The following DNAH14 variants were observed in gnomAD, a reference collection of about 807,000 sequenced individuals.
DNAH14 encodes dynein axonemal heavy chain 14, also known as axonemal beta dynein heavy chain 14.
DNAH14 carries 478 observed loss-of-function variants against 520.9 expected under a neutral mutation model. The ratio of observed to expected loss-of-function variants is 0.92; its 90% CI spans 0.85 to 0.99. The LOEUF is 0.99. DNAH14 is among the 50% of genes least tolerant of loss of function. The pLI is 0.00. For synonymous variants in DNAH14, 1,581 were observed against 1,757.2 expected, an observed-to-expected ratio of 0.90 and a Z score of 2.51; for missense variants, 4,831 against 5,234.5, an observed-to-expected ratio of 0.92 and a Z score of 2.38.
At chr1:225,355,301 G>A (rs993774205) in intron 73 of DNAH14, among the ~76,000 whole-genome samples, 2 of 151,850 alleles carry the variant, frequency 1.3e-5, no homozygotes, top group African/African-American at 4.8e-5. Context: ...GGTCTCACTC[G>A]TCTCACTCTG....
At chr1:225,314,091 C>CT (rs2094422050) in intron 60 of DNAH14, among the ~76,000 whole-genome samples, 1 of 152,170 alleles carries the variant, frequency 6.6e-6, no homozygotes, top group Non-Finnish European at 1.5e-5. Context: ...CTGTAGGTCT[C>CT]TAAGAATTTG....
At chr1:225,336,034 C>T (rs1348745049) in intron 66 of DNAH14, among the ~76,000 whole-genome samples, 7 of 84,928 alleles carry the variant, frequency 8.2e-5, no homozygotes, top group South Asian at 8.4e-4. Flanking sequence ...TATGTATATA[C>T]ACACATATAT....
intron 20 of DNAH14, among the ~76,000 whole-genome samples, chr1:225,083,064 T>C (rs2073329209): frequency 6.6e-6 from 1 of 152,150 alleles, no homozygotes; most frequent in Admixed American, 6.5e-5. Context: ...ATCAAAACTA[T>C]TGTATTCATT....
At chr1:225,028,566 A>T (rs916944925) in intron 11 of DNAH14, among the ~76,000 whole-genome samples, 49 of 151,998 alleles carry the variant, frequency 3.2e-4, no homozygotes, top group African/African-American at 1.1e-3. Flanking sequence ...GATCTTTTTA[A>T]AAACCAGCTT....
chr1:225,372,859 C>A (rs1014387653), intron 77 of DNAH14, among the ~76,000 whole-genome samples: 1 of 151,880 alleles, frequency 6.6e-6, no homozygotes, highest in Admixed American at 6.6e-5. Flanking sequence ...AAAAGACCAA[C>A]AAGCCAAAGG....
intron 52 of DNAH14, 148 bp downstream of exon 52, chr1:225,273,273 TACAAA>T: frequency 2.2e-6 from 2 of 897,750 alleles, no homozygotes; most frequent in South Asian, 3.8e-5. Context: ...CTACTAAAAA[TACAAA>T]AAAATTAGCC....
intron 34 of DNAH14, among the ~76,000 whole-genome samples, chr1:225,158,543 C>G (rs2081253449): frequency 6.6e-6 from 1 of 152,162 alleles, no homozygotes; most frequent in South Asian, 2.1e-4. Context: ...CGCTTGTCTA[C>G]CCTTGAGTCA....
intron 1 of DNAH14, among the ~76,000 whole-genome samples, chr1:224,949,619 G>T (rs894181318): frequency 1.3e-5 from 2 of 152,098 alleles, no homozygotes; most frequent in African/African-American, 4.8e-5. Flanking sequence ...AATGAATATT[G>T]TATGGGCAAC....
chr1:225,007,933 T>C (rs1376983593), intron 10 of DNAH14, among the ~76,000 whole-genome samples: 2 of 151,504 alleles, frequency 1.3e-5, no homozygotes, highest in Admixed American at 6.6e-5. Flanking sequence ...TTTTCTTTTT[T>C]TTTTTTTATA....
intron 36 of DNAH14, among the ~76,000 whole-genome samples, chr1:225,174,828 T>C (rs1341786248): frequency 6.6e-6 from 1 of 152,208 alleles, no homozygotes; most frequent in East Asian, 1.9e-4. Flanking sequence ...ATTCACTTTA[T>C]TGTGTTGATG....
At chr1:225,021,317 A>G (rs905933692) in intron 10 of DNAH14, among the ~76,000 whole-genome samples, 1 of 152,178 alleles carries the variant, frequency 6.6e-6, no homozygotes, top group African/African-American at 2.4e-5. Flanking sequence ...TGCAAGAGAG[A>G]GAAGCATAAG....
intron 17 of DNAH14, among the ~76,000 whole-genome samples, chr1:225,064,635 A>T (rs2148444450): frequency 6.6e-6 from 1 of 152,100 alleles, no homozygotes. Flanking sequence ...TATCAAAAAC[A>T]TGTTGAACAA....
chr1:225,125,434 C>T (rs1220343762), intron 27 of DNAH14, among the ~76,000 whole-genome samples: 1 of 152,212 alleles, frequency 6.6e-6, no homozygotes, highest in Non-Finnish European at 1.5e-5. Flanking sequence ...TAACTTACTG[C>T]AGCTTCCACA....
chr1:225,157,292 G>C (rs2081138139), intron 34 of DNAH14, among the ~76,000 whole-genome samples: 1 of 152,086 alleles, frequency 6.6e-6, no homozygotes, highest in South Asian at 2.1e-4. Flanking sequence ...AAGATTTATA[G>C]TCCTTAACAC....
intron 75 of DNAH14, among the ~76,000 whole-genome samples, chr1:225,362,905 T>C (rs2095508793): frequency 6.6e-6 from 1 of 151,986 alleles, no homozygotes; most frequent in African/African-American, 2.4e-5. Flanking sequence ...ATTTTTAAAA[T>C]GAGAGACAGA....
intron 41 of DNAH14, among the ~76,000 whole-genome samples, chr1:225,226,436 G>T (rs1390739169): frequency 6.6e-6 from 1 of 152,170 alleles, no homozygotes; most frequent in Admixed American, 6.5e-5. Flanking sequence ...CCTCAAACCA[G>T]GCAACACTAC....
chr1:225,335,640 T>G lies in DNAH14; in HGVS notation c.10081-1626T>G, dbSNP rs2094970452. Among the ~76,000 whole-genome samples, 2 of 137,786 alleles carry G rather than the reference T, an allele frequency of 1.5e-5. 1 individual carries two copies. Among genetic ancestry groups the G allele is most frequent in the South Asian group, 4.5e-4 (2 of 4,488 alleles). The allele number at this position is 137,786 out of a possible 152,430, so 90.4% of individuals were successfully genotyped here. On this transcript the variant is annotated intron_variant, in intron 66 of 85. Coordinates refer to ENST00000682510, the MANE Select transcript of DNAH14 (RefSeq NM_001367479.1). Reference sequence around the variant, plus strand: ...ATATACGCATATATACATATGTGCATATATGTATATACGCATATATACATA... The same window carrying G: ...ATATACGCATATATACATATGTGCAGATATGTATATACGCATATATACATA...
chr1:225,144,639 T>G lies in DNAH14; in HGVS notation c.4740+11T>G. 1 of 1,539,238 alleles carries G rather than the reference T, an allele frequency of 6.5e-7. No individual in the cohort carries two copies. Among genetic ancestry groups the G allele is most frequent in the Non-Finnish European group, 8.8e-7 (1 of 1,139,538 alleles). ...AAAGATCTAGCAAAAGTAAGTGGTT[T>G]CTGTATCCAGAATAAAAACTTTTTT... On this transcript the variant is annotated intron_variant, in intron 29 of 85. Coordinates refer to ENST00000682510, the MANE Select transcript of DNAH14 (RefSeq NM_001367479.1).
chr1:224,966,389 A>G (rs1201466260), intron 5 of DNAH14, among the ~76,000 whole-genome samples: 1 of 152,210 alleles, frequency 6.6e-6, no homozygotes, highest in Non-Finnish European at 1.5e-5. Flanking sequence ...ATGCTTTTTT[A>G]TGGTAAAATT....
Sources: gnomAD v4.1 joint callset for allele counts (sites outside exome capture counted in the v4.1 genomes callset) on GRCh38, gnomAD v4.1.1 for gene constraint, MANE v1.5 for transcripts, NCBI Gene and HGNC (gene_info 2026-07-23, HGNC 2026-07-21) for gene names.